GPC5: variants seen among roughly 807,000 people sequenced by gnomAD.
GPC5 encodes glypican-5.
Under a neutral mutation model 53.9 loss-of-function variants are expected in GPC5, and 47 were observed. The ratio of observed to expected loss-of-function variants is 0.87; its 90% CI spans 0.69 to 1.11. The LOEUF is 1.11. GPC5 is among the 50% of genes most tolerant of loss of function. GPC5 has a pLI of 0.00. For synonymous variants in GPC5, 286 were observed against 263.3 expected (o/e 1.09, Z -0.84); for missense variants, 748 against 713.1 (o/e 1.05, Z -0.56).
intron 7 of GPC5, among the ~76,000 whole-genome samples, chr13:92,382,459 A>G (rs2043756958): frequency 6.6e-6 from 1 of 152,200 alleles, no homozygotes; most frequent in Admixed American, 6.5e-5. Context: ...AATTGGTTAC[A>G]ATGATCTGTT....
chr13:91,836,728 C>G (rs1446155515), intron 5 of GPC5, among the ~76,000 whole-genome samples: 3 of 151,890 alleles, frequency 2.0e-5, no homozygotes, highest in Non-Finnish European at 4.4e-5. Context: ...TATTTACACT[C>G]ACATCCTTCC....
In GPC5 at chr13:92,748,242, A is replaced by G. The variant is rs191631568; in HGVS notation, c.1562-118040A>G. ...GTTTGATATACATCATAATAATTAA[A>G]GTAGTAATAATGTAAGACAAAGATT... is the stretch of plus-strand genomic sequence containing the variant. On this transcript the variant is annotated intron_variant, in intron 7 of 7. Coordinates refer to ENST00000377067, the MANE Select transcript of GPC5 (RefSeq NM_004466.6). 4.0e-5 allele frequency among the ~76,000 whole-genome samples: 6 copies of G among 151,588 alleles called. No homozygotes were observed. In the East Asian group the frequency reaches 1.2e-3, roughly 29 times the overall value.
intron 5 of GPC5, among the ~76,000 whole-genome samples, chr13:91,833,955 T>A (rs975667974): frequency 6.6e-6 from 1 of 152,146 alleles, no homozygotes; most frequent in Admixed American, 6.5e-5. Flanking sequence ...AGTCAGATTG[T>A]CTCTGTTTGC....
chr13:91,503,590 GC>G (rs1457783354), intron 2 of GPC5, among the ~76,000 whole-genome samples: 2 of 151,416 alleles, frequency 1.3e-5, no homozygotes, highest in Non-Finnish European at 2.9e-5. Flanking sequence ...GACCCTCCTG[GC>G]CAACATGGTG....
chr13:92,111,086 A>G (rs1049191818), intron 6 of GPC5, among the ~76,000 whole-genome samples: 2 of 152,190 alleles, frequency 1.3e-5, no homozygotes, highest in African/African-American at 4.8e-5. Flanking sequence ...AGAAAGCCAA[A>G]TATGGTGGCT....
At chr13:92,566,301 T>A (rs1882861204) in intron 7 of GPC5, among the ~76,000 whole-genome samples, 1 of 152,106 alleles carries the variant, frequency 6.6e-6, no homozygotes, top group Admixed American at 6.6e-5. Flanking sequence ...CATCTTCTCA[T>A]GAGTAAAAAT....
chr13:91,770,447 G>T (rs1415580612), intron 5 of GPC5, among the ~76,000 whole-genome samples: 1 of 152,006 alleles, frequency 6.6e-6, no homozygotes, highest in Non-Finnish European at 1.5e-5. Flanking sequence ...TCATGGTTTG[G>T]TTTTTCTGGT....
At chr13:92,024,409 C>A (rs1007966231) in intron 6 of GPC5, among the ~76,000 whole-genome samples, 1 of 152,108 alleles carries the variant, frequency 6.6e-6, no homozygotes, top group Non-Finnish European at 1.5e-5. Flanking sequence ...ATTGTCCAGA[C>A]CTCTCTCCCT....
chr13:92,511,410 C>T (rs996923157), intron 7 of GPC5, among the ~76,000 whole-genome samples: 1 of 152,270 alleles, frequency 6.6e-6, no homozygotes, highest in East Asian at 1.9e-4. Context: ...ATTTTTGTCT[C>T]TCTCCAGAAA....
intron 7 of GPC5, among the ~76,000 whole-genome samples, chr13:92,858,656 GAGGGAGGGC>G (rs1466017157): frequency 2.6e-5 from 4 of 152,042 alleles, no homozygotes; most frequent in Non-Finnish European, 4.4e-5. Flanking sequence ...ACTCCAAAAA[GAGGGAGGGC>G]AGGAGGAGGG....
chr13:92,028,443 A>G (rs775877381), intron 6 of GPC5, among the ~76,000 whole-genome samples: 4 of 152,098 alleles, frequency 2.6e-5, no homozygotes, highest in Non-Finnish European at 5.9e-5. Context: ...TTGAATTGCT[A>G]TTATGCTGAA....
chr13:92,431,390 CTT>C (rs3064652), intron 7 of GPC5, among the ~76,000 whole-genome samples: 17 of 137,302 alleles, frequency 1.2e-4, no homozygotes, highest in Admixed American at 2.2e-4. Flanking sequence ...AAAGACACAG[CTT>C]TTTTTTTTTT....
At chr13:92,032,787 A>C (rs370019882) in intron 6 of GPC5, among the ~76,000 whole-genome samples, 1 of 152,088 alleles carries the variant, frequency 6.6e-6, no homozygotes, top group African/African-American at 2.4e-5. Flanking sequence ...GGAGGCCCAC[A>C]TTGTCTGTTT....
intron 6 of GPC5, among the ~76,000 whole-genome samples, chr13:92,095,591 A>G (rs1465682502): frequency 2.6e-5 from 4 of 151,578 alleles, no homozygotes; most frequent in Non-Finnish European, 4.4e-5. Flanking sequence ...CTGGAGTGCA[A>G]CGGAACCATC....
intron 7 of GPC5, among the ~76,000 whole-genome samples, chr13:92,657,488 G>A (rs1386953322): frequency 4.0e-5 from 6 of 151,566 alleles, no homozygotes; most frequent in Non-Finnish European, 8.8e-5. Context: ...GTAATCAAGA[G>A]GGAAAATACC....
rs1172612124 is a variant in GPC5, at chr13:91,773,454, GA to G, written c.1280+17042del. On this transcript the variant is annotated intron_variant, in intron 5 of 7. Coordinates refer to ENST00000377067, the MANE Select transcript of GPC5 (RefSeq NM_004466.6). ...ATCTGTTCTTAGTCTAGCATCTCCA[GA>G]AAAAAAATCTAGAAGGAAAATTCAT... 2.6e-5 allele frequency among the ~76,000 whole-genome samples: 4 copies of G among 151,268 alleles called. No homozygotes were observed. The East Asian group carries it at 7.7e-4, about 29-fold the overall frequency.
At chr13:91,540,681 T>G (rs2029882506) in intron 2 of GPC5, among the ~76,000 whole-genome samples, 2 of 152,214 alleles carry the variant, frequency 1.3e-5, no homozygotes, top group African/African-American at 4.8e-5. Flanking sequence ...ACTTGGAAGG[T>G]TGAGCAAAAG....
chr13:91,964,308 G>A (rs1395638184), intron 6 of GPC5, among the ~76,000 whole-genome samples: 1 of 152,190 alleles, frequency 6.6e-6, no homozygotes, highest in Admixed American at 6.5e-5. Flanking sequence ...GGTTGCTGGT[G>A]TGGGCTCCGT....
In GPC5 at chr13:92,622,256, A is replaced by G. The variant is rs567204503; in HGVS notation, c.1562-244026A>G. Among the ~76,000 whole-genome samples the G allele has an allele frequency of 5.3e-5, 8 of 152,308 alleles. No homozygotes were observed. In the East Asian group the frequency reaches 5.8e-4, roughly 11 times the overall value. On this transcript the variant is annotated intron_variant, in intron 7 of 7. Transcript: ENST00000377067. ...GTCCTGAAGACCCAGCTCCTCCTGG[A>G]GGTCTGTCCTCAGCTACATCGCCAC...
Sources: gnomAD v4.1 joint callset for allele counts (sites outside exome capture counted in the v4.1 genomes callset) on GRCh38, gnomAD v4.1.1 for gene constraint, MANE v1.5 for transcripts, NCBI Gene and HGNC (gene_info 2026-07-23, HGNC 2026-07-21) for gene names.